Variants in NINJ2 observed in about 807,000 individuals in gnomAD.
The protein encoded by NINJ2 is ninjurin-2.
Under a neutral mutation model 11.7 loss-of-function variants are expected in NINJ2, and 12 were observed. The ratio of observed to expected loss-of-function variants is 1.02; its 90% confidence interval spans 0.66 to 1.66. The LOEUF (loss-of-function observed/expected upper bound fraction) is 1.66. NINJ2 is among the 40% of genes most tolerant of loss of function. The pLI, the probability that NINJ2 is intolerant of heterozygous loss-of-function variation, is 0.00. For missense variants in NINJ2, 187 were observed against 181.8 expected (o/e 1.03, Z -0.16); for synonymous variants, 93 against 76.8 (o/e 1.21, Z -1.10).
At chr12:649,172 G>A (rs1937747008) in intron 1 of NINJ2, among the ~76,000 whole-genome samples, 1 of 151,824 alleles carries the variant, frequency 6.6e-6, no homozygotes, top group South Asian at 2.1e-4. Flanking sequence ...TCAGCCTCCA[G>A]AGTAGCTGGG....
intron 1 of NINJ2, among the ~76,000 whole-genome samples, chr12:595,305 C>A (rs1362561615): frequency 6.6e-6 from 1 of 152,146 alleles, no homozygotes; most frequent in Non-Finnish European, 1.5e-5. Flanking sequence ...CACAGGATTT[C>A]CATCCTAGGT....
At chr12:599,843 C>G (rs1001181070) in intron 1 of NINJ2, among the ~76,000 whole-genome samples, 1 of 152,192 alleles carries the variant, frequency 6.6e-6, no homozygotes, top group Admixed American at 6.5e-5. Flanking sequence ...GAGATGCCGC[C>G]ACTGATTCAC....
chr12:647,961 C>T (rs1432291596), intron 1 of NINJ2, among the ~76,000 whole-genome samples: 3 of 152,204 alleles, frequency 2.0e-5, no homozygotes, highest in Admixed American at 2.0e-4. Context: ...TTCACTTCTG[C>T]ATCCATTAAT....
Position 581,362 on chromosome 12 carries a change from G to A in NINJ2, c.34-15184C>T, listed in dbSNP as rs948837830. Among the ~76,000 whole-genome samples, 1 of 152,162 alleles carries A rather than the reference G, an allele frequency of 6.6e-6. No homozygotes were observed. Among genetic ancestry groups the A allele is most frequent in the African/African-American group, 2.4e-5 (1 of 41,442 alleles). ...AGATAGAGAAGTCCCTGAGCACTGA[G>A]TCTGGGGATCAAAGCCGCTCCTGAT... is the stretch of plus-strand genomic sequence containing the variant. On this transcript the variant is annotated intron_variant, in intron 1 of 3. Coordinates refer to ENST00000305108, the MANE Select transcript of NINJ2 (RefSeq NM_016533.6). The surrounding 1 kb of genome is among the most constrained non-coding windows in gnomAD (Gnocchi z 4.9).
intron 1 of NINJ2, among the ~76,000 whole-genome samples, chr12:627,381 G>A (rs565675255): frequency 8.1e-4 from 123 of 152,280 alleles, no homozygotes; most frequent in African/African-American, 2.8e-3. Flanking sequence ...ATATAATTAA[G>A]TACATTTCTA....
chr12:600,573 A>G (rs1381248687), intron 1 of NINJ2, among the ~76,000 whole-genome samples: 2 of 152,066 alleles, frequency 1.3e-5, no homozygotes, highest in African/African-American at 4.8e-5. Flanking sequence ...AATAAATAAT[A>G]AAATTAAATT....
intron 1 of NINJ2, among the ~76,000 whole-genome samples, chr12:613,479 G>A (rs1239511646): frequency 6.6e-6 from 1 of 152,126 alleles, no homozygotes; most frequent in Non-Finnish European, 1.5e-5. Context: ...CATAGTGGCA[G>A]GCACCTGTAA....
intron 1 of NINJ2, among the ~76,000 whole-genome samples, chr12:631,401 G>A (rs1156927385): frequency 2.0e-5 from 3 of 152,066 alleles, no homozygotes; most frequent in Non-Finnish European, 2.9e-5. Context: ...GTCTCCCTCT[G>A]TCACCAGGCG....
At chr12:577,438 T>TGTGTATATATATATAC (rs1555161806) in intron 1 of NINJ2, among the ~76,000 whole-genome samples, 2 of 141,032 alleles carry the variant, frequency 1.4e-5, no homozygotes, top group African/African-American at 5.2e-5. Flanking sequence ...TACATATATA[T>TGTGTATATATATATAC]ATATAAATAT....
Position 580,966 on chromosome 12 carries a change from GTGTA to G in NINJ2, c.34-14792_34-14789del, listed in dbSNP as rs1003157553. On this transcript the variant is annotated intron_variant, in intron 1 of 3. Transcript: ENST00000305108. The surrounding 1 kb of genome is among the most constrained non-coding windows in gnomAD (Gnocchi z 4.7). ...TCTGTGTGTATTCATGTGTGTTTGTGTGTATGTGTGTGTCCATGTCTCTGTGCAT... is the reference window on the plus strand; with the variant it reads ...TCTGTGTGTATTCATGTGTGTTTGTGTGTGTGTGTCCATGTCTCTGTGCAT... Among the ~76,000 whole-genome samples, 3 of 151,676 alleles carry G rather than the reference GTGTA, an allele frequency of 2.0e-5. No individual in the cohort carries two copies. The highest frequency in any genetic ancestry group is 4.8e-5 in the African/African-American group (2 of 41,270).
chr12:595,921 T>C (rs1009668903), intron 1 of NINJ2, among the ~76,000 whole-genome samples: 1 of 152,076 alleles, frequency 6.6e-6, no homozygotes, highest in Non-Finnish European at 1.5e-5. Flanking sequence ...AGTAAGTATA[T>C]AAAAAGATGT....
At chr12:631,891 G>A (rs1277052255) in intron 1 of NINJ2, among the ~76,000 whole-genome samples, 3 of 152,154 alleles carry the variant, frequency 2.0e-5, no homozygotes, top group African/African-American at 4.8e-5. Context: ...CCAGATTTCT[G>A]CAATGCTCCT....
At chr12:571,637 A>G (rs1176946295) in intron 1 of NINJ2, among the ~76,000 whole-genome samples, 1 of 152,268 alleles carries the variant, frequency 6.6e-6, no homozygotes, top group Non-Finnish European at 1.5e-5. Flanking sequence ...GGATTGCTTC[A>G]TTGTTCTGCC....
At chr12:577,430 C>CATATATATATGTATAT (rs372597339) in intron 1 of NINJ2, among the ~76,000 whole-genome samples, 34 of 93,834 alleles carry the variant, frequency 3.6e-4, no homozygotes, top group African/African-American at 4.8e-4. Flanking sequence ...TATATATATA[C>CATATATATATGTATAT]ATATATATAT....
intron 1 of NINJ2, among the ~76,000 whole-genome samples, chr12:661,315 C>T (rs1284620288): frequency 6.6e-6 from 1 of 152,190 alleles, no homozygotes; most frequent in Non-Finnish European, 1.5e-5. Context: ...CTCTTGAGCT[C>T]AAGTGATCCT....
chr12:646,919 C>T (rs1274097345), intron 1 of NINJ2, among the ~76,000 whole-genome samples: 2 of 148,038 alleles, frequency 1.4e-5, no homozygotes, highest in Non-Finnish European at 3.1e-5. Context: ...TTTCCATTCT[C>T]CTGGCGTGGA....
rs1362119604 is a variant in NINJ2 at position 628,354 on chromosome 12, G to A, written c.33+34974C>T. The stretch of plus-strand genomic sequence containing the variant: ...TAGAGATCTCAGAGTACATAGGAAG[G>A]AGCCAGGTCTTTCCGTTCTTCTGCG... On this transcript the variant is annotated intron_variant, in intron 1 of 3. Coordinates refer to ENST00000305108, the MANE Select transcript of NINJ2 (RefSeq NM_016533.6). This position sits in a 1 kb window ranked among gnomAD's most constrained non-coding sequence, Gnocchi z 4.4. 6.6e-6 allele frequency among the ~76,000 whole-genome samples: 1 copy of A among 152,072 alleles called. No homozygotes were observed. Among genetic ancestry groups the A allele is most frequent in the Non-Finnish European group, 1.5e-5 (1 of 67,982 alleles).
intron 1 of NINJ2, chr12:643,964 G>A (rs1054501359): frequency 1.3e-5 from 2 of 154,820 alleles, no homozygotes; most frequent in South Asian, 2.0e-4. Context: ...TGCAGATGGA[G>A]TGAAGGTACC....
At chr12:626,957 T>C (rs1948217198) in intron 1 of NINJ2, among the ~76,000 whole-genome samples, 1 of 152,092 alleles carries the variant, frequency 6.6e-6, no homozygotes, top group Non-Finnish European at 1.5e-5. Flanking sequence ...TGGTAAGACA[T>C]GCCTGCAGTT....
Sources: gnomAD v4.1 joint callset for allele counts (sites outside exome capture counted in the v4.1 genomes callset) on GRCh38, gnomAD v4.1.1 for gene constraint, Gnocchi (gnomAD v3.1) non-coding constraint, MANE v1.5 for transcripts, NCBI Gene and HGNC (gene_info 2026-07-23, HGNC 2026-07-21) for gene names.